SGMS1: variants seen among roughly 807,000 people sequenced by gnomAD.
The protein encoded by SGMS1 is phosphatidylcholine:ceramide cholinephosphotransferase 1.
Under a neutral mutation model 46.2 loss-of-function variants are expected in SGMS1, and 13 were observed. The observed-to-expected ratio is 0.28, with a 90% CI of 0.18 to 0.45. The LOEUF (loss-of-function observed/expected upper bound fraction) is 0.45. Among genes scored for constraint, SGMS1 ranks in the 20% least tolerant of loss-of-function variants. SGMS1 has a pLI of 1.00. For missense variants in SGMS1, 324 were observed against 519.9 expected (o/e 0.62, Z 3.66); for synonymous variants, 203 against 187.8 (o/e 1.08, Z -0.66).
chr10:50,383,539 A>C (rs1367460601), intron 6 of SGMS1, among the ~76,000 whole-genome samples: 1 of 152,176 alleles, frequency 6.6e-6, no homozygotes, highest in African/African-American at 2.4e-5. Flanking sequence ...GCAGAAAAAG[A>C]GATAAACATG....
intron 5 of SGMS1, among the ~76,000 whole-genome samples, chr10:50,444,548 T>A (rs1392631458): frequency 6.6e-6 from 1 of 152,036 alleles, no homozygotes; most frequent in Non-Finnish European, 1.5e-5. Context: ...AAATAAATAT[T>A]CATAGGGAAA....
At chr10:50,556,517 G>C (rs887931562) in intron 2 of SGMS1, among the ~76,000 whole-genome samples, 1 of 152,190 alleles carries the variant, frequency 6.6e-6, no homozygotes, top group Non-Finnish European at 1.5e-5. Flanking sequence ...GCGGAAACAG[G>C]TGTACCACAG....
At position 50,343,854 on chromosome 10, in the gene SGMS1, A is replaced by C. The variant is rs1847866087; in HGVS notation, c.261T>G (p.Ile87Met). The change falls in exon 7 of 11, where the codon ATT becomes ATG. Residue 87 changes from isoleucine (I) to methionine (M), a missense_variant. By Grantham distance (10) the Ile-to-Met change is conservative. Around this residue, in one of 2 missense-constraint regions of SGMS1, gnomAD observed 150 missense variants for 169.8 expected, o/e 0.88. Coordinates refer to ENST00000361781, the MANE Select transcript of SGMS1 (RefSeq NM_147156.4). ...KNGHANGHLN[I>M]GVDIPTPDGS... ...CGTCGGGGGTGGGGATGTCTACGCC[A>C]ATGTTGAGGTGCCCATTGGCATGGC... The C allele has an allele frequency of 6.2e-7, 1 of 1,613,958 alleles. No homozygotes were observed. Among genetic ancestry groups the C allele is most frequent in the African/African-American group, 1.3e-5 (1 of 74,862 alleles).
At chr10:50,583,129 A>T (rs550998057) in intron 2 of SGMS1, among the ~76,000 whole-genome samples, 14 of 152,320 alleles carry the variant, frequency 9.2e-5, no homozygotes, top group African/African-American at 3.4e-4. Flanking sequence ...CATTTGAGAA[A>T]ACTGAGATAC....
At chr10:50,567,750 A>G (rs1295210160) in intron 2 of SGMS1, among the ~76,000 whole-genome samples, 1 of 152,220 alleles carries the variant, frequency 6.6e-6, no homozygotes, top group Non-Finnish European at 1.5e-5. Flanking sequence ...AACAAAATAA[A>G]CATAGACACT....
chr10:50,416,274 A>G (rs1357517551), intron 6 of SGMS1, among the ~76,000 whole-genome samples: 1 of 152,168 alleles, frequency 6.6e-6, no homozygotes, highest in Non-Finnish European at 1.5e-5. Flanking sequence ...TCCAACATAA[A>G]CTAAATTAAC....
intron 6 of SGMS1, among the ~76,000 whole-genome samples, chr10:50,351,901 T>G (rs535430379): frequency 6.2e-4 from 94 of 152,332 alleles, no homozygotes; most frequent in Non-Finnish European, 1.1e-3. Context: ...AAGTATATCT[T>G]GGTCTTCTTG....
At chr10:50,432,403 C>CT (rs1294807220) in intron 6 of SGMS1, among the ~76,000 whole-genome samples, 2 of 152,244 alleles carry the variant, frequency 1.3e-5, no homozygotes, top group Non-Finnish European at 1.5e-5. Context: ...TAATGCTGTG[C>CT]TACTACATAA....
At chr10:50,493,743 T>G (rs1837586556) in intron 3 of SGMS1, among the ~76,000 whole-genome samples, 1 of 151,940 alleles carries the variant, frequency 6.6e-6, no homozygotes, top group Non-Finnish European at 1.5e-5. Flanking sequence ...ATTAGAGAAG[T>G]GCACATAAAA....
At chr10:50,346,843 G>A (rs1372153186) in intron 6 of SGMS1, among the ~76,000 whole-genome samples, 1 of 152,030 alleles carries the variant, frequency 6.6e-6, no homozygotes, top group Non-Finnish European at 1.5e-5. Context: ...GGGACCACAG[G>A]TGCATGCCAC....
At chr10:50,537,585 T>A (rs1238882816) in intron 2 of SGMS1, among the ~76,000 whole-genome samples, 1 of 151,954 alleles carries the variant, frequency 6.6e-6, no homozygotes, top group African/African-American at 2.4e-5. Context: ...TAGGTATATC[T>A]CTTAATGCTA....
chr10:50,538,571 GC>G (rs1000519906), intron 2 of SGMS1, among the ~76,000 whole-genome samples: 6 of 151,802 alleles, frequency 4.0e-5, no homozygotes, highest in African/African-American at 1.5e-4. Context: ...AAGGTATTTA[GC>G]ATCCCACACC....
At chr10:50,373,226 T>C (rs2255720) in intron 6 of SGMS1, among the ~76,000 whole-genome samples, 52,536 of 152,130 alleles carry the variant, frequency 0.35, 9,261 homozygotes, top group South Asian at 0.41. Context: ...TTAATTTGTA[T>C]GAGCAACTGA....
At chr10:50,411,738 G>T (rs1203413) in intron 6 of SGMS1, among the ~76,000 whole-genome samples, 44,852 of 151,798 alleles carry the variant, frequency 0.3, 6,850 homozygotes, top group East Asian at 0.49. Context: ...CAAACTCTCC[G>T]CTTCTGACCC....
rs373372029 is a variant in SGMS1, at chr10:50,461,846, G to A, written c.-454-1032C>T. On this transcript the variant is annotated intron_variant, in intron 4 of 10. Coordinates refer to ENST00000361781, the MANE Select transcript of SGMS1 (RefSeq NM_147156.4). ...CTTACTTAGGACCAGGCATCCCTCCGTACCCTCCCAACTTTTAATCATACT... is the reference window on the plus strand; with the variant it reads ...CTTACTTAGGACCAGGCATCCCTCCATACCCTCCCAACTTTTAATCATACT... Among the ~76,000 whole-genome samples, 9 of 152,212 alleles carry A rather than the reference G, an allele frequency of 5.9e-5. 1 individual carries two copies. The South Asian group carries it at 1.5e-3, about 25-fold the overall frequency.
intron 6 of SGMS1, 31 bp from the exon 7 acceptor site, chr10:50,344,376 T>C (rs1007118800): frequency 4.7e-5 from 20 of 425,732 alleles, no homozygotes; most frequent in African/African-American, 3.7e-4. Flanking sequence ...ATCAAGATGC[T>C]GTACTTCCAA....
intron 6 of SGMS1, among the ~76,000 whole-genome samples, chr10:50,394,454 G>T (rs1229454992): frequency 6.6e-6 from 1 of 152,204 alleles, no homozygotes; most frequent in Non-Finnish European, 1.5e-5. Flanking sequence ...AGCAGAATTT[G>T]TCAAGCCTTG....
chr10:50,557,171 G>C (rs1838195820), intron 2 of SGMS1, among the ~76,000 whole-genome samples: 1 of 152,034 alleles, frequency 6.6e-6, no homozygotes. Flanking sequence ...ATTCACTAGG[G>C]TACAGTTCTT....
intron 2 of SGMS1, among the ~76,000 whole-genome samples, chr10:50,544,218 C>G (rs901341626): frequency 2.0e-5 from 3 of 152,182 alleles, no homozygotes; most frequent in Non-Finnish European, 2.9e-5. Flanking sequence ...TTAATCCTCC[C>G]AGCAACTCTG....
Sources: allele counts gnomAD v4.1 joint callset (sites outside exome capture counted in the v4.1 genomes callset), GRCh38; gene constraint gnomAD v4.1.1; regional missense constraint gnomAD v4.1.1; transcripts MANE v1.5; gene names NCBI Gene and HGNC (gene_info 2026-07-23, HGNC 2026-07-21).